The following DGKI variants were observed in gnomAD, a reference collection of about 807,000 sequenced individuals.
DGKI encodes the protein diacylglycerol kinase iota.
Under a neutral mutation model 147.5 loss-of-function variants are expected in DGKI, and 55 were observed. That is an observed-to-expected ratio of 0.37 (90% CI 0.30 to 0.47). The LOEUF (loss-of-function observed/expected upper bound fraction) is 0.47. Ranked by LOEUF, DGKI falls within the 20% of genes least tolerant of loss-of-function variation. The probability of loss-of-function intolerance (pLI) is 1.00; values close to 1 mark genes in which losing one functional copy is unlikely to be tolerated. For missense variants in DGKI, 1,007 were observed against 1,323.8 expected (o/e 0.76, Z 3.71); for synonymous variants, 469 against 477.1 (o/e 0.98, Z 0.22).
chr7:137,446,602 T>C (rs1046843429), intron 27 of DGKI, among the ~76,000 whole-genome samples: 1 of 152,100 alleles, frequency 6.6e-6, no homozygotes, highest in Non-Finnish European at 1.5e-5. Flanking sequence ...GGTGGGTGCC[T>C]GTAATCCCAG....
At chr7:137,828,163 T>G (rs1798113703) in intron 1 of DGKI, among the ~76,000 whole-genome samples, 1 of 152,264 alleles carries the variant, frequency 6.6e-6, no homozygotes. Context: ...TCTCTTTTAT[T>G]TCTAGCACTT....
At chr7:137,575,661 T>C (rs1818946071) in intron 17 of DGKI, among the ~76,000 whole-genome samples, 1 of 152,240 alleles carries the variant, frequency 6.6e-6, no homozygotes, top group African/African-American at 2.4e-5. Flanking sequence ...ATAGCCACGA[T>C]TTTATTGAAA....
intron 2 of DGKI, among the ~76,000 whole-genome samples, chr7:137,685,518 T>C (rs1452911050): frequency 1.3e-5 from 2 of 152,212 alleles, no homozygotes. Flanking sequence ...TAAAAGAAGA[T>C]ACACATTATC....
intron 28 of DGKI, among the ~76,000 whole-genome samples, chr7:137,425,983 T>C (rs111747198): frequency 0.059 from 9,004 of 152,186 alleles, 700 homozygotes; most frequent in African/African-American, 0.18. Context: ...CTGCAGGATA[T>C]TATCCAGGAG....
At chr7:137,564,327 G>T (rs1206560849) in intron 19 of DGKI, among the ~76,000 whole-genome samples, 1 of 152,016 alleles carries the variant, frequency 6.6e-6, no homozygotes, top group Non-Finnish European at 1.5e-5. Flanking sequence ...AGTAATCAAA[G>T]ATTTCTTAGG....
At chr7:137,721,964 T>C (rs1794569673) in intron 1 of DGKI, 4 of 1,404,608 alleles carry the variant, frequency 2.8e-6, no homozygotes, top group Admixed American at 2.0e-5. Context: ...TATAGCATAG[T>C]GAGCTCTTTC....
rs1467226305 is a variant in DGKI, at chr7:137,689,980, G to A, written c.424C>T (p.Leu142Phe). ...SYRKAISRAG[L>F]QHLAPAHPLS... ...GGATGTGCAGGAGCCAGATGCTGGA[G>A]GCCTGCCCGGGAGATTGCTTTCCTG... Residue 142 changes from leucine (L) to phenylalanine (F), a missense_variant, in exon 2 of 33, where the codon CTC becomes TTC. Physicochemically the swap from Leu to Phe is conservative, Grantham distance 22. Transcript: ENST00000614521. 6.2e-7 allele frequency: 1 copy of A among 1,605,452 alleles called. No individual in the cohort carries two copies. The highest frequency in any genetic ancestry group is 2.3e-5 in the East Asian group (1 of 44,340).
chr7:137,643,601 A>G (rs534741915), intron 6 of DGKI, among the ~76,000 whole-genome samples: 2 of 152,292 alleles, frequency 1.3e-5, no homozygotes, highest in South Asian at 4.1e-4. Flanking sequence ...ATGATGTGAC[A>G]AGCTGGATCA....
At chr7:137,790,651 T>C (rs576288554) in intron 1 of DGKI, among the ~76,000 whole-genome samples, 1 of 152,306 alleles carries the variant, frequency 6.6e-6, no homozygotes, top group South Asian at 2.1e-4. Context: ...GAAAGAGACG[T>C]GGATGCGGCT....
intron 30 of DGKI, among the ~76,000 whole-genome samples, chr7:137,399,317 T>C (rs895938788): frequency 6.6e-6 from 1 of 151,800 alleles, no homozygotes; most frequent in Admixed American, 6.6e-5. Context: ...TGTATCCTTC[T>C]AGCACCTACC....
intron 10 of DGKI, among the ~76,000 whole-genome samples, chr7:137,604,490 C>T (rs375834641): frequency 5.9e-5 from 9 of 152,230 alleles, no homozygotes; most frequent in African/African-American, 1.7e-4. Flanking sequence ...CTGAGAAAGC[C>T]GATTCCCAGA....
At chr7:137,775,072 A>G (rs1348833061) in intron 1 of DGKI, 1 of 150,776 alleles carries the variant, frequency 6.6e-6, no homozygotes, top group Non-Finnish European at 1.5e-5. Flanking sequence ...TTTTTAACAC[A>G]CTAAGCTGAC....
intron 1 of DGKI, among the ~76,000 whole-genome samples, chr7:137,819,711 A>G (rs961448507): frequency 6.6e-6 from 1 of 152,158 alleles, no homozygotes; most frequent in African/African-American, 2.4e-5. Flanking sequence ...CCCATCCCCA[A>G]GAAGGTGAGA....
intron 13 of DGKI, among the ~76,000 whole-genome samples, chr7:137,586,592 C>T (rs1291553166): frequency 6.6e-6 from 1 of 152,036 alleles, no homozygotes; most frequent in African/African-American, 2.4e-5. Flanking sequence ...CCAAGCTTGC[C>T]TGAAGTTGGC....
chr7:137,612,221 C>CTT lies in DGKI; in HGVS notation c.994-2614_994-2613dup, dbSNP rs551204704. On this transcript the variant is annotated intron_variant, in intron 8 of 32. Coordinates refer to ENST00000614521, the MANE Select transcript of DGKI (RefSeq NM_001321708.2). ...ATAGGGAACAGACACACAAAACGGG[C>CTT]TTTTTTTTTTTTTTTTTTTTTGTAA... 5.3e-3 allele frequency among the ~76,000 whole-genome samples: 609 copies of CTT among 113,922 alleles called. 8 individuals carry two copies. The highest frequency in any genetic ancestry group is 0.017 in the African/African-American group (479 of 28,790). The allele number at this position is 113,922 out of a possible 152,430, so 74.7% of individuals were successfully genotyped here.
chr7:137,487,562 C>T (rs1308632899), intron 22 of DGKI, 48 bp downstream of exon 22: 45 of 1,516,994 alleles, frequency 3.0e-5, no homozygotes, highest in Non-Finnish European at 3.9e-5. Flanking sequence ...TAATTGTTTA[C>T]AAAAATGGAA....
chr7:137,591,518 C>T (rs1819616540), intron 12 of DGKI, among the ~76,000 whole-genome samples: 1 of 152,162 alleles, frequency 6.6e-6, no homozygotes, highest in Non-Finnish European at 1.5e-5. Flanking sequence ...CATTCCCCAA[C>T]AGCCAGCATT....
rs1811179137 is a variant in DGKI at position 137,386,465 on chromosome 7, A to C, written c.*4755T>G. ...AGATTTTCAGAATCATGCTTGCCAT[A>C]ATTCTATAAGATGATCAAGGTCAGT... On this transcript the variant is annotated 3_prime_UTR_variant, in exon 33 of 33. Coordinates refer to ENST00000614521, the MANE Select transcript of DGKI (RefSeq NM_001321708.2). The C allele has an allele frequency of 6.6e-6, 1 of 152,186 alleles. No homozygotes were observed. Among genetic ancestry groups the C allele is most frequent in the South Asian group, 2.1e-4 (1 of 4,830 alleles). The allele number at this position is 152,186 out of a possible 1,614,324, so 9.4% of individuals were successfully genotyped here.
At chr7:137,557,177 C>T (rs1451773961) in intron 19 of DGKI, among the ~76,000 whole-genome samples, 1 of 152,178 alleles carries the variant, frequency 6.6e-6, no homozygotes. Context: ...CTCTCCCCCA[C>T]TCACACACTC....
Sources: gnomAD v4.1 joint callset for allele counts (sites outside exome capture counted in the v4.1 genomes callset) on GRCh38, gnomAD v4.1.1 for gene constraint, MANE v1.5 for transcripts, NCBI Gene and HGNC (gene_info 2026-07-23, HGNC 2026-07-21) for gene names.